TNR: variants seen among roughly 807,000 people sequenced by gnomAD.
TNR encodes the protein tenascin-R.
Under a neutral mutation model 150.4 loss-of-function variants are expected in TNR, and 45 were observed. The ratio of observed to expected loss-of-function variants is 0.30; its 90% CI spans 0.24 to 0.38. TNR has a LOEUF of 0.38. Among genes scored for constraint, TNR ranks in the 10% least tolerant of loss-of-function variants. The pLI is 1.00. For synonymous variants in TNR, 687 were observed against 678.4 expected (o/e 1.01, Z -0.20); for missense variants, 1,544 against 1,759.1 (o/e 0.88, Z 2.19).
At chr1:175,378,208 T>C (rs859420) in intron 9 of TNR, among the ~76,000 whole-genome samples, 116,427 of 152,104 alleles carry the variant, frequency 0.77, 44,656 homozygotes, top group East Asian at 0.88. Context: ...AGAATAAACC[T>C]AAACTTTTCA....
chr1:175,673,798 C>T (rs1048567472), intron 1 of TNR, among the ~76,000 whole-genome samples: 3 of 152,174 alleles, frequency 2.0e-5, no homozygotes, highest in African/African-American at 7.2e-5. Flanking sequence ...TTTTGGCATG[C>T]CAATCATAAT....
chr1:175,587,965 G>A (rs1444799439), intron 1 of TNR, among the ~76,000 whole-genome samples: 1 of 152,218 alleles, frequency 6.6e-6, no homozygotes, highest in Admixed American at 6.5e-5. Flanking sequence ...AAGAGCTCAA[G>A]GATGGGGGTC....
At chr1:175,502,824 T>C (rs933664659) in intron 2 of TNR, among the ~76,000 whole-genome samples, 1 of 152,090 alleles carries the variant, frequency 6.6e-6, no homozygotes, top group Admixed American at 6.5e-5. Flanking sequence ...GGTTGGAGTA[T>C]AGAGTTGGAG....
chr1:175,349,406 A>G (rs1264745454), intron 18 of TNR, among the ~76,000 whole-genome samples: 1 of 152,224 alleles, frequency 6.6e-6, no homozygotes, highest in Non-Finnish European at 1.5e-5. Context: ...TTTTGCAACA[A>G]TTAGAAGCAA....
At chr1:175,462,871 G>T (rs781270505) in intron 2 of TNR, among the ~76,000 whole-genome samples, 1 of 152,208 alleles carries the variant, frequency 6.6e-6, no homozygotes, top group Non-Finnish European at 1.5e-5. Context: ...GGCTATAAGG[G>T]AGGGGCAAAA....
At chr1:175,397,259 TTCTATGATTGTAC>T (rs1340636725) in intron 4 of TNR, among the ~76,000 whole-genome samples, 1 of 152,254 alleles carries the variant, frequency 6.6e-6, no homozygotes, top group Admixed American at 6.5e-5. Flanking sequence ...GGTGAAAATA[TTCTATGATTGTAC>T]TCTACTACAC....
chr1:175,696,272 A>G (rs894080944), intron 1 of TNR, among the ~76,000 whole-genome samples: 8 of 146,900 alleles, frequency 5.4e-5, no homozygotes, highest in Admixed American at 3.4e-4. Flanking sequence ...AATCTAGAAC[A>G]GATAAAAGGG....
intron 1 of TNR, among the ~76,000 whole-genome samples, chr1:175,607,558 G>A (rs931845219): frequency 2.6e-5 from 4 of 152,126 alleles, no homozygotes; most frequent in Admixed American, 6.5e-5. Context: ...CTTATCTTCC[G>A]GGTAAGACCA....
intron 1 of TNR, among the ~76,000 whole-genome samples, chr1:175,636,891 T>A (rs12035423): frequency 0.051 from 7,767 of 152,302 alleles, 458 homozygotes; most frequent in East Asian, 0.34. Flanking sequence ...ATGAGTTCCC[T>A]TTGCGACCTC....
intron 2 of TNR, among the ~76,000 whole-genome samples, chr1:175,412,810 C>T (rs568601980): frequency 6.6e-6 from 1 of 152,316 alleles, no homozygotes; most frequent in South Asian, 2.1e-4. Context: ...TTTCTCTGAG[C>T]CCTGCTGAAG....
intron 1 of TNR, among the ~76,000 whole-genome samples, chr1:175,613,850 G>A (rs1036064360): frequency 3.3e-5 from 5 of 152,116 alleles, no homozygotes; most frequent in Non-Finnish European, 7.4e-5. Context: ...ACATGATGCC[G>A]TCTGTGCTCA....
At chr1:175,531,841 C>G (rs767977378) in intron 1 of TNR, among the ~76,000 whole-genome samples, 2 of 152,254 alleles carry the variant, frequency 1.3e-5, no homozygotes, top group Non-Finnish European at 2.9e-5. Context: ...GTTCAGCCAT[C>G]AGAGGGGATT....
chr1:175,522,766 T>C (rs1341423716), intron 2 of TNR, among the ~76,000 whole-genome samples: 3 of 152,204 alleles, frequency 2.0e-5, no homozygotes, highest in Non-Finnish European at 2.9e-5. Flanking sequence ...GGTCCACACA[T>C]AAAGAAACTC....
At chr1:175,405,789 G>A (rs1020697923) in intron 3 of TNR, among the ~76,000 whole-genome samples, 4 of 152,108 alleles carry the variant, frequency 2.6e-5, no homozygotes, top group South Asian at 2.1e-4. Context: ...TGAACAGAGC[G>A]TCTGCATTCT....
chr1:175,721,435 G>A (rs533803093), intron 1 of TNR, among the ~76,000 whole-genome samples: 4 of 152,142 alleles, frequency 2.6e-5, no homozygotes, highest in African/African-American at 7.2e-5. Flanking sequence ...GCTCTTAGTG[G>A]GGCAGTAAAC....
At chr1:175,614,484 C>T (rs1298725244) in intron 1 of TNR, among the ~76,000 whole-genome samples, 1 of 152,204 alleles carries the variant, frequency 6.6e-6, no homozygotes, top group African/African-American at 2.4e-5. Context: ...TCACCTCTTA[C>T]CACCTTCTTG....
At chr1:175,481,616 T>G (rs1156941773) in intron 2 of TNR, among the ~76,000 whole-genome samples, 1 of 152,114 alleles carries the variant, frequency 6.6e-6, no homozygotes, top group Non-Finnish European at 1.5e-5. Context: ...AGAAACCTGA[T>G]CAGACTACAT....
At chr1:175,356,223 A>G in intron 16 of TNR, 96 bp downstream of exon 16, 1 of 1,525,080 alleles carries the variant, frequency 6.6e-7, no homozygotes, top group South Asian at 1.2e-5. Flanking sequence ...TGCCCTGTCC[A>G]AAGCCTGTAA....
intron 2 of TNR, among the ~76,000 whole-genome samples, chr1:175,511,347 A>G (rs926260329): frequency 2.0e-5 from 3 of 152,240 alleles, no homozygotes; most frequent in African/African-American, 7.2e-5. Context: ...TGTCATGCCA[A>G]AGCTATTTTT....
Sources: gnomAD v4.1 joint callset for allele counts (sites outside exome capture counted in the v4.1 genomes callset) on GRCh38, gnomAD v4.1.1 for gene constraint, MANE v1.5 for transcripts, NCBI Gene and HGNC (gene_info 2026-07-23, HGNC 2026-07-21) for gene names.